The following QTMAN variants were observed in gnomAD, a reference collection of about 807,000 sequenced individuals.
QTMAN encodes tRNA-queuosine alpha-mannosyltransferase.
chr2:144,070,579 C>T, the QTMAN span, among the ~76,000 whole-genome samples: 1 of 151,896 alleles, frequency 6.6e-6, no homozygotes, highest in African/African-American at 2.4e-5. Context: ...TAAATATTAG[C>T]AAAAAAATAC....
At chr2:144,031,189 T>C in the QTMAN span, among the ~76,000 whole-genome samples, 1 of 148,748 alleles carries the variant, frequency 6.7e-6, no homozygotes, top group Non-Finnish European at 1.5e-5. Flanking sequence ...CTGACAACTG[T>C]TATTTTTTTT....
the QTMAN span, among the ~76,000 whole-genome samples, chr2:143,998,351 T>C: frequency 6.6e-6 from 1 of 152,028 alleles, no homozygotes; most frequent in Non-Finnish European, 1.5e-5. Flanking sequence ...AATTTTCCCT[T>C]CTTTTGTTTA....
chr2:144,197,410 T>G, the QTMAN span, among the ~76,000 whole-genome samples: 5 of 152,082 alleles, frequency 3.3e-5, no homozygotes, highest in South Asian at 2.1e-4. Context: ...CATTAGATTT[T>G]TAAAGAAAAA....
the QTMAN span, among the ~76,000 whole-genome samples, chr2:144,267,445 T>G: frequency 6.6e-6 from 1 of 152,136 alleles, no homozygotes; most frequent in Non-Finnish European, 1.5e-5. Flanking sequence ...AAAATAACCC[T>G]CTACATTTGG....
chr2:144,070,014 G>C, the QTMAN span, among the ~76,000 whole-genome samples: 1 of 151,914 alleles, frequency 6.6e-6, no homozygotes, highest in South Asian at 2.1e-4. Context: ...TTAATAAAAA[G>C]CAATACACTT....
At chr2:144,062,699 T>G in the QTMAN span, among the ~76,000 whole-genome samples, 2 of 152,206 alleles carry the variant, frequency 1.3e-5, no homozygotes, top group Admixed American at 6.5e-5. Context: ...CTTTATTTAT[T>G]ATAACTACCA....
At chr2:144,312,889 C>G in the QTMAN span, among the ~76,000 whole-genome samples, 1 of 152,200 alleles carries the variant, frequency 6.6e-6, no homozygotes, top group African/African-American at 2.4e-5. Context: ...TTTCCTGAGG[C>G]CTCCCCAGCC....
chr2:144,331,351 CT>C, the QTMAN span, among the ~76,000 whole-genome samples: 18 of 152,196 alleles, frequency 1.2e-4, no homozygotes, highest in African/African-American at 4.1e-4. Flanking sequence ...TACTGAACTT[CT>C]TTTTCAGCAG....
At chr2:143,986,107 A>C in the QTMAN span, among the ~76,000 whole-genome samples, 2 of 152,182 alleles carry the variant, frequency 1.3e-5, no homozygotes, top group African/African-American at 4.8e-5. Context: ...CTTGAGTATC[A>C]ATTACCTTTA....
At chr2:144,211,749 AAAAAAG>A in the QTMAN span, among the ~76,000 whole-genome samples, 3 of 152,148 alleles carry the variant, frequency 2.0e-5, no homozygotes, top group Non-Finnish European at 2.9e-5. Flanking sequence ...CATGAGGTTG[AAAAAAG>A]AAAAAGAAAA....
the QTMAN span, among the ~76,000 whole-genome samples, chr2:144,186,546 T>C: frequency 6.6e-6 from 1 of 152,120 alleles, no homozygotes; most frequent in Non-Finnish European, 1.5e-5. Flanking sequence ...TGGATAAGAG[T>C]TCATTCCTCT....
chr2:144,159,892 G>T, the QTMAN span, among the ~76,000 whole-genome samples: 1 of 152,092 alleles, frequency 6.6e-6, no homozygotes, highest in Non-Finnish European at 1.5e-5. Flanking sequence ...GCTTACAAGT[G>T]AGCCAATGTG....
the QTMAN span, among the ~76,000 whole-genome samples, chr2:144,044,705 A>G: frequency 6.6e-6 from 1 of 152,226 alleles, no homozygotes; most frequent in Non-Finnish European, 1.5e-5. Flanking sequence ...TGCAGTAGAG[A>G]TATCAAAAAT....
the QTMAN span, chr2:144,208,894 A>G: frequency 1.5e-6 from 1 of 674,690 alleles, no homozygotes; most frequent in South Asian, 2.8e-5. Context: ...ATACTCAGAA[A>G]ATACAAATAA....
chr2:144,214,446 G>C, the QTMAN span, among the ~76,000 whole-genome samples: 2 of 152,160 alleles, frequency 1.3e-5, no homozygotes, highest in African/African-American at 2.4e-5. Flanking sequence ...TAATAGAAAT[G>C]AATCTGCTTC....
the QTMAN span, among the ~76,000 whole-genome samples, chr2:144,066,851 A>G: frequency 1.3e-5 from 2 of 152,200 alleles, no homozygotes; most frequent in African/African-American, 4.8e-5. Context: ...TCTAAAAAGT[A>G]CTTTAAACTC....
chr2:144,040,690 G>A, the QTMAN span, among the ~76,000 whole-genome samples: 2 of 152,106 alleles, frequency 1.3e-5, no homozygotes, highest in Admixed American at 1.3e-4. Context: ...GAGGAAAGGA[G>A]CTTAAGTAGG....
chr2:144,302,693 G>C, the QTMAN span, among the ~76,000 whole-genome samples: 33 of 152,330 alleles, frequency 2.2e-4, no homozygotes, highest in African/African-American at 7.5e-4. Flanking sequence ...CAGAATCAAA[G>C]ATGAGTACAG....
the QTMAN span, among the ~76,000 whole-genome samples, chr2:144,053,983 C>T: frequency 6.6e-6 from 1 of 151,756 alleles, no homozygotes; most frequent in South Asian, 2.1e-4. Context: ...GTCAGGAGAT[C>T]GAGATCATCC....
Sources: allele counts gnomAD v4.1 joint callset (sites outside exome capture counted in the v4.1 genomes callset), GRCh38; gene constraint gnomAD v4.1.1; transcripts MANE v1.5; gene names NCBI Gene and HGNC (gene_info 2026-07-23, HGNC 2026-07-21).